The following CLEC1A variants were observed in gnomAD, a reference collection of about 807,000 sequenced individuals.
CLEC1A encodes C-type lectin-like receptor-1.
A neutral mutation model predicts 28.7 loss-of-function variants in CLEC1A; 34 were observed. The ratio of observed to expected loss-of-function variants is 1.18; its 90% confidence interval spans 0.90 to 1.57. The LOEUF (loss-of-function observed/expected upper bound fraction) is 1.57, where lower values mean the gene tolerates loss of function less well. Ranked by LOEUF, CLEC1A falls within the 40% of genes most tolerant of loss-of-function variation. The pLI, the probability that CLEC1A is intolerant of heterozygous loss-of-function variation, is 0.00. For missense variants in CLEC1A, 385 were observed against 339.5 expected (o/e 1.13, Z -1.05); for synonymous variants, 116 against 121.0 (o/e 0.96, Z 0.27).
At chr12:10,074,075 G>A (rs1283581777) in intron 4 of CLEC1A, among the ~76,000 whole-genome samples, 5 of 152,058 alleles carry the variant, frequency 3.3e-5, no homozygotes, top group Admixed American at 2.0e-4. Flanking sequence ...GATTGGTGGC[G>A]ACAGGGTCTC....
At chr12:10,097,171 TA>T (rs1397931874) in intron 1 of CLEC1A, among the ~76,000 whole-genome samples, 2 of 152,316 alleles carry the variant, frequency 1.3e-5, no homozygotes, top group East Asian at 3.9e-4. Context: ...TTGGCATTTT[TA>T]AACACAAACA....
chr12:10,080,089 AC>A (rs1866335677), intron 3 of CLEC1A, among the ~76,000 whole-genome samples: 1 of 152,068 alleles, frequency 6.6e-6, no homozygotes, highest in South Asian at 2.1e-4. Context: ...CAGGGGGAAC[AC>A]CTGAGGTTGG....
chr12:10,072,071 G>A (rs2137325829), intron 5 of CLEC1A, among the ~76,000 whole-genome samples: 1 of 152,264 alleles, frequency 6.6e-6, no homozygotes, highest in East Asian at 1.9e-4. Flanking sequence ...GGTCATCGGG[G>A]TGGATCCCTC....
At chr12:10,093,711 T>C (rs1947739393) in intron 1 of CLEC1A, among the ~76,000 whole-genome samples, 1 of 152,066 alleles carries the variant, frequency 6.6e-6, no homozygotes, top group Non-Finnish European at 1.5e-5. Flanking sequence ...TTTAACGCTA[T>C]ACTCTGCACA....
At chr12:10,086,176 C>T (rs765027685) in intron 2 of CLEC1A, among the ~76,000 whole-genome samples, 11 of 152,016 alleles carry the variant, frequency 7.2e-5, no homozygotes, top group Non-Finnish European at 1.5e-4. Flanking sequence ...AAACCTCTAG[C>T]ATACAGCAAA....
chr12:10,072,504 G>C (rs1281402595), intron 5 of CLEC1A, among the ~76,000 whole-genome samples: 2 of 152,028 alleles, frequency 1.3e-5, no homozygotes, highest in Non-Finnish European at 2.9e-5. Flanking sequence ...TAAAAGATGT[G>C]CTCCCTATTT....
chr12:10,089,110 G>A lies in CLEC1A; in HGVS notation c.214+14C>T. The A allele has an allele frequency of 6.3e-7, 1 of 1,599,516 alleles. No individual in the cohort carries two copies. The highest frequency in any genetic ancestry group is 8.6e-7 in the Non-Finnish European group (1 of 1,166,786). The stretch of plus-strand genomic sequence containing the variant: ...GGAACCAGGATCCTCCCCCAGGTCA[G>A]AGCGCAGACTTACACAAAAGCCCCA... On this transcript the variant is annotated intron_variant, in intron 2 of 5. Coordinates refer to ENST00000315330, the MANE Select transcript of CLEC1A (RefSeq NM_016511.4).
At chr12:10,087,273 A>G (rs767009347) in intron 2 of CLEC1A, among the ~76,000 whole-genome samples, 8 of 150,410 alleles carry the variant, frequency 5.3e-5, no homozygotes, top group Non-Finnish European at 1.0e-4. Flanking sequence ...ACCCCATGAT[A>G]AAGTGGGTTT....
chr12:10,088,189 T>C, intron 2 of CLEC1A, among the ~76,000 whole-genome samples: 1 of 152,224 alleles, frequency 6.6e-6, no homozygotes, highest in African/African-American at 2.4e-5. Flanking sequence ...TTCAGGTCTC[T>C]ACATCTAAGT....
intron 4 of CLEC1A, among the ~76,000 whole-genome samples, chr12:10,074,064 G>A (rs749776833): frequency 6.6e-6 from 1 of 152,020 alleles, no homozygotes; most frequent in Non-Finnish European, 1.5e-5. Context: ...TATTTTTGGA[G>A]GATTGGTGGC....
At chr12:10,076,569 C>G (rs1305740564) in intron 3 of CLEC1A, among the ~76,000 whole-genome samples, 1 of 152,134 alleles carries the variant, frequency 6.6e-6, no homozygotes, top group Non-Finnish European at 1.5e-5. Context: ...CTCTCTCAGA[C>G]AGGTCGGCTT....
chr12:10,079,127 T>G (rs1173400802), intron 3 of CLEC1A, among the ~76,000 whole-genome samples: 1 of 152,214 alleles, frequency 6.6e-6, no homozygotes, highest in African/African-American at 2.4e-5. Context: ...TTCAATATAC[T>G]TACTTCTACT....
At chr12:10,097,852 A>G (rs1947797817) in intron 1 of CLEC1A, among the ~76,000 whole-genome samples, 1 of 126,544 alleles carries the variant, frequency 7.9e-6, no homozygotes, top group Non-Finnish European at 1.6e-5. Context: ...TTTGTCACTT[A>G]GCTTCATTTC....
At chr12:10,089,070 T>A (rs1478075550) in intron 2 of CLEC1A, 54 bp downstream of exon 2, 1 of 1,349,552 alleles carries the variant, frequency 7.4e-7, no homozygotes, top group Non-Finnish European at 1.1e-6. Flanking sequence ...GTGTTTCTCA[T>A]CCTAGACAAA....
At chr12:10,093,575 AC>A (rs571417356) in intron 1 of CLEC1A, among the ~76,000 whole-genome samples, 75 of 152,176 alleles carry the variant, frequency 4.9e-4, no homozygotes, top group African/African-American at 1.7e-3. Flanking sequence ...AACTAAGCTG[AC>A]ATTACCATAT....
chr12:10,076,899 T>C (rs1429116566), intron 3 of CLEC1A, among the ~76,000 whole-genome samples: 1 of 152,248 alleles, frequency 6.6e-6, no homozygotes, highest in African/African-American at 2.4e-5. Context: ...TGGTTCATTC[T>C]GCTCTGGATT....
Position 10,089,771 on chromosome 12 carries a change from T to C in CLEC1A, c.116-549A>G, listed in dbSNP as rs143305010. Among the ~76,000 whole-genome samples the C allele has an allele frequency of 2.9e-4, 44 of 152,310 alleles. No individual in the cohort carries two copies. The East Asian group carries it at 8.1e-3, about 28-fold the overall frequency. The stretch of plus-strand genomic sequence containing the variant: ...ACTGTTTTTCTGTGGAATTGCTTAA[T>C]TGAAAGTCCCGCTATTGTAAGGATA... On this transcript the variant is annotated intron_variant, in intron 1 of 5. Coordinates refer to ENST00000315330, the MANE Select transcript of CLEC1A (RefSeq NM_016511.4).
At chr12:10,086,904 A>C (rs1272758271) in intron 2 of CLEC1A, among the ~76,000 whole-genome samples, 1 of 152,154 alleles carries the variant, frequency 6.6e-6, no homozygotes, top group Non-Finnish European at 1.5e-5. Context: ...AAAATCATCA[A>C]CAAAAGGCTA....
intron 3 of CLEC1A, among the ~76,000 whole-genome samples, chr12:10,080,891 T>G (rs893889961): frequency 1.3e-5 from 2 of 152,346 alleles, no homozygotes; most frequent in Admixed American, 6.5e-5. Context: ...ACTATAGTTA[T>G]GAGTTTGCTT....
Sources: allele counts gnomAD v4.1 joint callset (sites outside exome capture counted in the v4.1 genomes callset), GRCh38; gene constraint gnomAD v4.1.1; transcripts MANE v1.5; gene names NCBI Gene and HGNC (gene_info 2026-07-23, HGNC 2026-07-21).